The following HPSE2 variants were observed in gnomAD, a reference collection of about 807,000 sequenced individuals.
HPSE2 encodes the protein heparanase 2 (inactive).
HPSE2 carries 38 observed loss-of-function variants against 60.5 expected under a neutral mutation model. The observed-to-expected ratio is 0.63, with a 90% CI of 0.48 to 0.82. The LOEUF is 0.82. Ranked by LOEUF, HPSE2 falls within the 40% of genes least tolerant of loss-of-function variation. The pLI is 0.00. For missense variants in HPSE2, 713 were observed against 740.4 expected, an observed-to-expected ratio of 0.96 and a Z score of 0.43; for synonymous variants, 295 against 293.2, an observed-to-expected ratio of 1.01 and a Z score of -0.06.
intron 9 of HPSE2, among the ~76,000 whole-genome samples, chr10:98,502,612 G>A (rs1331633254): frequency 6.6e-6 from 1 of 152,038 alleles, no homozygotes; most frequent in East Asian, 1.9e-4. Flanking sequence ...AGACAACATT[G>A]GAAAAATCCT....
chr10:99,189,349 G>A (rs924436390), intron 2 of HPSE2, among the ~76,000 whole-genome samples: 14 of 152,134 alleles, frequency 9.2e-5, no homozygotes, highest in Non-Finnish European at 1.9e-4. Flanking sequence ...AAGTTTAAAT[G>A]GAAGATACCA....
chr10:99,294,519 T>G, the HPSE2 span, among the ~76,000 whole-genome samples: 3 of 149,232 alleles, frequency 2.0e-5, no homozygotes, highest in Non-Finnish European at 4.4e-5. Flanking sequence ...TGCGCTATAT[T>G]TATTATACTT....
chr10:98,995,847 G>A (rs994662372), intron 3 of HPSE2, among the ~76,000 whole-genome samples: 2 of 151,998 alleles, frequency 1.3e-5, no homozygotes, highest in Non-Finnish European at 2.9e-5. Flanking sequence ...TCTATAAATG[G>A]ACAATGAGTA....
chr10:99,274,654 AAG>A, the HPSE2 span, among the ~76,000 whole-genome samples: 1 of 152,192 alleles, frequency 6.6e-6, no homozygotes, highest in Non-Finnish European at 1.5e-5. Flanking sequence ...AACCACAAAA[AAG>A]AGAGAGAACA....
At chr10:98,502,477 T>G (rs1013669377) in intron 9 of HPSE2, among the ~76,000 whole-genome samples, 2 of 152,212 alleles carry the variant, frequency 1.3e-5, no homozygotes, top group Admixed American at 6.5e-5. Context: ...CAAATGGTGC[T>G]AGGATAACTG....
intron 3 of HPSE2, among the ~76,000 whole-genome samples, chr10:98,937,405 G>A (rs1311423280): frequency 2.8e-5 from 4 of 144,654 alleles, no homozygotes; most frequent in Admixed American, 6.8e-5. Flanking sequence ...TTTCCGACAG[G>A]CTTAAAAAAC....
intron 3 of HPSE2, among the ~76,000 whole-genome samples, chr10:98,869,310 T>C (rs1952672411): frequency 3.9e-5 from 6 of 152,278 alleles, no homozygotes; most frequent in Admixed American, 2.6e-4. Flanking sequence ...CTTTTTCTGG[T>C]GACTTGAAAC....
At chr10:99,238,841 G>A (rs1471892927), upstream of HPSE2, among the ~76,000 whole-genome samples, 1 of 152,100 alleles carries the variant, frequency 6.6e-6, no homozygotes, top group Admixed American at 6.6e-5. Flanking sequence ...CTTCCTAGAA[G>A]ACAAGTATTG....
intron 9 of HPSE2, among the ~76,000 whole-genome samples, chr10:98,608,411 G>T (rs1276901601): frequency 6.6e-6 from 1 of 152,180 alleles, no homozygotes; most frequent in Non-Finnish European, 1.5e-5. Flanking sequence ...TGTGCACACC[G>T]CTCAGGCTGA....
chr10:98,820,437 G>A (rs1365537276), intron 3 of HPSE2, among the ~76,000 whole-genome samples: 1 of 152,130 alleles, frequency 6.6e-6, no homozygotes, highest in Non-Finnish European at 1.5e-5. Context: ...CTCAGACTGA[G>A]ACTATTACAA....
chr10:99,301,110 T>C, the HPSE2 span, among the ~76,000 whole-genome samples: 1 of 152,210 alleles, frequency 6.6e-6, no homozygotes, highest in East Asian at 1.9e-4. Context: ...ACTTAAAGGA[T>C]GCTTTCTTTT....
At chr10:98,544,526 C>G (rs1943588384) in intron 9 of HPSE2, among the ~76,000 whole-genome samples, 1 of 151,570 alleles carries the variant, frequency 6.6e-6, no homozygotes, top group African/African-American at 2.4e-5. Flanking sequence ...CTGGCTAACA[C>G]AGTGAAACCC....
At chr10:98,986,723 C>T (rs1956365516) in intron 3 of HPSE2, among the ~76,000 whole-genome samples, 1 of 150,376 alleles carries the variant, frequency 6.6e-6, no homozygotes. Context: ...TTGAAAAGAT[C>T]AACAAAATTG....
intron 3 of HPSE2, among the ~76,000 whole-genome samples, chr10:99,046,023 G>T (rs1957847250): frequency 6.6e-6 from 1 of 151,848 alleles, no homozygotes; most frequent in African/African-American, 2.4e-5. Context: ...AGCCTGGCAG[G>T]AACACAGTGA....
chr10:98,808,669 A>C (rs1322828771), intron 3 of HPSE2, among the ~76,000 whole-genome samples: 1 of 152,172 alleles, frequency 6.6e-6, no homozygotes, highest in Non-Finnish European at 1.5e-5. Flanking sequence ...CAAACATCTG[A>C]TAATCTTTAA....
intron 9 of HPSE2, among the ~76,000 whole-genome samples, chr10:98,542,604 T>C (rs1459255587): frequency 6.6e-6 from 1 of 151,772 alleles, no homozygotes; most frequent in Non-Finnish European, 1.5e-5. Context: ...AATATGTAAC[T>C]AGAATAACCA....
At chr10:98,905,514 C>T (rs1466366053) in intron 3 of HPSE2, among the ~76,000 whole-genome samples, 1 of 152,038 alleles carries the variant, frequency 6.6e-6, no homozygotes, top group Non-Finnish European at 1.5e-5. Flanking sequence ...ATTTAGTAAC[C>T]TAGAAAAATA....
At chr10:98,638,137 CAAAAAAAAAAAA>C (rs34364786) in intron 7 of HPSE2, among the ~76,000 whole-genome samples, 4 of 14,682 alleles carry the variant, frequency 2.7e-4, no homozygotes, top group Non-Finnish European at 4.4e-4. Context: ...AGACCCATCT[CAAAAAAAAAAAA>C]AAAAAAAAAA....
chr10:98,988,832 A>G (rs1432391984), intron 3 of HPSE2, among the ~76,000 whole-genome samples: 12 of 126,846 alleles, frequency 9.5e-5, no homozygotes, highest in Admixed American at 4.8e-4. Flanking sequence ...AAAAGTGGGC[A>G]AAGGACATGA....
Sources: allele counts gnomAD v4.1 joint callset (sites outside exome capture counted in the v4.1 genomes callset), GRCh38; gene constraint gnomAD v4.1.1; transcripts MANE v1.5; gene names NCBI Gene and HGNC (gene_info 2026-07-23, HGNC 2026-07-21).